ZNF320: variants seen among roughly 807,000 people sequenced by gnomAD.
ZNF320 encodes the protein zinc finger gene 320.
Under a neutral mutation model 6.8 loss-of-function variants are expected in ZNF320, and 2 were observed. The observed-to-expected ratio is 0.29, with a 90% confidence interval of 0.12 to 0.93. ZNF320 has a LOEUF of 0.93. ZNF320 is among the 40% of genes least tolerant of loss of function. ZNF320 has a pLI of 0.55. For synonymous variants in ZNF320, 208 were observed against 203.2 expected, an observed-to-expected ratio of 1.02 and a Z score of -0.20; for missense variants, 472 against 611.0, an observed-to-expected ratio of 0.77 and a Z score of 2.40.
intron 2 of ZNF320, among the ~76,000 whole-genome samples, chr19:52,892,548 C>T (rs761640758): frequency 1.3e-4 from 20 of 152,146 alleles, no homozygotes; most frequent in South Asian, 2.1e-4. Context: ...GTCAGGAGTT[C>T]GAGACCAACC....
chr19:52,864,156 A>G, exon 6 of ZNF320: 1 of 255,306 alleles, frequency 3.9e-6, no homozygotes. Context: ...AAAGTCAAGT[A>G]TCCCTAAAAT....
At chr19:52,864,127 C>A in exon 6 of ZNF320, 1 of 315,934 alleles carries the variant, frequency 3.2e-6, no homozygotes, top group South Asian at 3.2e-5. Flanking sequence ...GCAAAGAGAA[C>A]TCTATAGCCA....
intron 1 of ZNF320, chr19:52,894,925 G>A (rs1325236200): frequency 6.6e-6 from 1 of 152,454 alleles, no homozygotes; most frequent in African/African-American, 2.4e-5. Context: ...AAAAAACACT[G>A]AAAGAGAGGC....
At chr19:52,893,944 A>C (rs1299654946) in intron 1 of ZNF320, 88 bp from the exon 2 acceptor site, 1 of 152,190 alleles carries the variant, frequency 6.6e-6, no homozygotes, top group Non-Finnish European at 1.5e-5. Context: ...GAAATCATAA[A>C]AGCAATGCAT....
At chr19:52,875,237 T>C (rs1214318127), downstream of ZNF320, among the ~76,000 whole-genome samples, 3 of 152,150 alleles carry the variant, frequency 2.0e-5, no homozygotes, top group African/African-American at 7.2e-5. Flanking sequence ...TGTAAGGGAA[T>C]GTGTTTGGGG....
At chr19:52,870,392 T>A (rs1370050782) in intron 5 of ZNF320, among the ~76,000 whole-genome samples, 2 of 144,020 alleles carry the variant, frequency 1.4e-5, no homozygotes, top group African/African-American at 5.2e-5. Context: ...GGCAGGAGAA[T>A]GGTGTGAACC....
chr19:52,865,434 T>TTTTATATATATATATATATA lies in ZNF320; in HGVS notation c.224-1276_224-1275insTATATATATATATATATAAA, dbSNP rs368584132. The TTTTATATATATATATATATA allele has an allele frequency of 9.6e-4, 146 of 152,752 alleles. 5 individuals carry two copies. Among genetic ancestry groups the TTTTATATATATATATATATA allele is most frequent in the African/African-American group, 4.2e-3 (134 of 31,546 alleles). 9.5% of individuals were successfully genotyped at this position (152,752 alleles called of 1,614,324 possible). On this transcript the variant is annotated intron_variant, in intron 5 of 5. Transcript: ENST00000673631. ...AAGCGTTCTGTGCAGGGTCCAGGCT[T>TTTTATATATATATATATATA]TATATATATATATATATGTAATACA...
chr19:52,886,851 T>C (rs561049827), intron 5 of ZNF320, among the ~76,000 whole-genome samples: 49 of 151,904 alleles, frequency 3.2e-4, no homozygotes, highest in Admixed American at 1.8e-3. Flanking sequence ...ACAAGAATCC[T>C]TTGAGCCTGA....
rs71183852 is a variant in ZNF320, at chr19:52,887,011, GAA to G, written c.142+1114_142+1115del. Reference sequence around the variant, plus strand: ...GAAGGAAGGAAGGAAGGAAGGAAAAGAAAAAACAAAACAAAAGAAAAGAAAAG... The same window carrying G: ...GAAGGAAGGAAGGAAGGAAGGAAAAGAAAACAAAACAAAAGAAAAGAAAAG... On this transcript the variant is annotated intron_variant, in intron 5 of 5. Coordinates refer to ENST00000682928, the MANE Select transcript of ZNF320 (RefSeq NM_001351774.2). 5.1e-3 allele frequency among the ~76,000 whole-genome samples: 373 copies of G among 73,014 alleles called. 2 individuals carry two copies. The highest frequency in any genetic ancestry group is 0.012 in the African/African-American group (202 of 16,590). 47.9% of individuals were successfully genotyped at this position (73,014 alleles called of 152,430 possible).
At chr19:52,872,410 A>G (rs950824165), downstream of ZNF320, among the ~76,000 whole-genome samples, 6 of 152,250 alleles carry the variant, frequency 3.9e-5, no homozygotes, top group Admixed American at 3.9e-4. Flanking sequence ...ACACAGGGAC[A>G]AAGTATAGAG....
chr19:52,865,109 G>A (rs1245877948), intron 5 of ZNF320, among the ~76,000 whole-genome samples: 1 of 152,004 alleles, frequency 6.6e-6, no homozygotes, highest in African/African-American at 2.4e-5. Flanking sequence ...ATCACCTGAG[G>A]TCAGGAGTTG....
intron 5 of ZNF320, among the ~76,000 whole-genome samples, chr19:52,884,379 G>A (rs564456288): frequency 3.3e-5 from 5 of 152,174 alleles, no homozygotes; most frequent in East Asian, 3.9e-4. Context: ...GTGCAGTGGC[G>A]TGATCTCAGC....
At chr19:52,901,450 CAG>C (rs2064571004), upstream of ZNF320, among the ~76,000 whole-genome samples, 1 of 152,164 alleles carries the variant, frequency 6.6e-6, no homozygotes, top group African/African-American at 2.4e-5. Flanking sequence ...TCATCTTCTT[CAG>C]AGTCACTTTG....
downstream of ZNF320, among the ~76,000 whole-genome samples, chr19:52,872,125 C>T (rs538208873): frequency 6.6e-6 from 1 of 152,288 alleles, no homozygotes; most frequent in African/African-American, 2.4e-5. Context: ...TTTGAGGCTG[C>T]TGTAAACTAG....
At position 52,880,965 on chromosome 19, in the gene ZNF320, A is replaced by G. The variant is rs2063899170; in HGVS notation, c.1161T>C (p.Cys387=). The G allele has an allele frequency of 1.2e-6, 2 of 1,613,520 alleles. No individual in the cohort carries two copies. The highest frequency in any genetic ancestry group is 1.1e-5 in the South Asian group (1 of 91,060). Residue 387 remains cysteine, a synonymous_variant, in exon 6 of 6, where the codon TGT becomes TGC. Transcript: ENST00000682928. ...TACTAAAAACCTTGCCACATTCATT[A>G]CATGTGTAAGGTCTCTCTCCAGTAT... ...RVHTGERPYT[C]NECGKVFSTK...
At chr19:52,892,763 C>A (rs544610835) in intron 2 of ZNF320, among the ~76,000 whole-genome samples, 1 of 151,684 alleles carries the variant, frequency 6.6e-6, no homozygotes, top group East Asian at 1.9e-4. Flanking sequence ...ACCTCCCTGG[C>A]CCCACTCTCT....
intron 3 of ZNF320, among the ~76,000 whole-genome samples, chr19:52,890,610 G>A (rs1196809882): frequency 1.3e-5 from 2 of 152,208 alleles, no homozygotes; most frequent in East Asian, 1.9e-4. Flanking sequence ...GGTGGCTCAT[G>A]CCTGTCACCC....
downstream of ZNF320, among the ~76,000 whole-genome samples, chr19:52,875,898 A>C (rs577272234): frequency 6.6e-6 from 1 of 152,360 alleles, no homozygotes; most frequent in East Asian, 1.9e-4. Flanking sequence ...TTTTCCCAGA[A>C]AAATCATAGT....
Position 52,866,096 on chromosome 19 carries a change from A to G in ZNF320, c.224-1937T>C, listed in dbSNP as rs1033196143. Reference sequence around the variant, plus strand: ...TATATGATTATACATATATTTATATATGTATGATTATACATATATTTATAT... The same window carrying G: ...TATATGATTATACATATATTTATATGTGTATGATTATACATATATTTATAT... On this transcript the variant is annotated intron_variant, in intron 5 of 5. Transcript: ENST00000673631. 5.0e-4 allele frequency among the ~76,000 whole-genome samples: 15 copies of G among 29,938 alleles called. 1 individual carries two copies. The highest frequency in any genetic ancestry group is 2.4e-3 in the African/African-American group (14 of 5,926). 19.6% of individuals were successfully genotyped at this position (29,938 alleles called of 152,430 possible). A position where few individuals can be genotyped will look rare whatever the true frequency, so the allele number is the denominator to read the frequency against.
Sources: allele counts gnomAD v4.1 joint callset (sites outside exome capture counted in the v4.1 genomes callset), GRCh38; gene constraint gnomAD v4.1.1; transcripts MANE v1.5; gene names NCBI Gene and HGNC (gene_info 2026-07-23, HGNC 2026-07-21).